Variants in CCDC91 observed in about 807,000 individuals in gnomAD.
CCDC91 encodes coiled-coil domain-containing protein 91.
A neutral mutation model predicts 63.2 loss-of-function variants in CCDC91; 48 were observed. That is an observed-to-expected ratio of 0.76 (90% CI 0.60 to 0.97). CCDC91 has a LOEUF of 0.97. CCDC91 is among the 50% of genes least tolerant of loss of function. CCDC91 has a pLI of 0.00. For synonymous variants in CCDC91, 167 were observed against 165.8 expected, an observed-to-expected ratio of 1.01 and a Z score of -0.06; for missense variants, 500 against 494.6, an observed-to-expected ratio of 1.01 and a Z score of -0.10.
At chr12:28,501,154 A>G (rs866411340) in intron 12 of CCDC91, among the ~76,000 whole-genome samples, 1 of 151,930 alleles carries the variant, frequency 6.6e-6, no homozygotes, top group African/African-American at 2.4e-5. Flanking sequence ...ATCAGCAAAC[A>G]GGGACAATTT....
At chr12:28,201,485 G>A (rs28605753) in intron 1 of CCDC91, among the ~76,000 whole-genome samples, 1 of 136,326 alleles carries the variant, frequency 7.3e-6, no homozygotes. Flanking sequence ...CTGGGAAGAG[G>A]CGCTCGTCAC....
chr12:28,329,346 T>C (rs918644888), intron 6 of CCDC91, among the ~76,000 whole-genome samples: 6 of 152,164 alleles, frequency 3.9e-5, no homozygotes, highest in Non-Finnish European at 7.4e-5. Context: ...TCCCACCAAA[T>C]TCTTCCTTTT....
At chr12:28,542,372 T>C (rs1942689032) in intron 12 of CCDC91, among the ~76,000 whole-genome samples, 2 of 152,100 alleles carry the variant, frequency 1.3e-5, no homozygotes, top group Non-Finnish European at 2.9e-5. Flanking sequence ...CATCTGTAAT[T>C]CATCTTGTGC....
chr12:28,450,219 A>T lies in CCDC91; in HGVS notation c.821A>T (p.Lys274Met). Reference sequence around the variant, plus strand: ...AAGGAACTGTTAAAAGAAAAAATAAAGGAAGCTTTGATTCAGCAATCTCAA... The same window carrying T: ...AAGGAACTGTTAAAAGAAAAAATAATGGAAGCTTTGATTCAGCAATCTCAA... ...TEKELLKEKI[K>M]EALIQQSQEQ... Residue 274 changes from lysine (K) to methionine (M), a missense_variant, in exon 9 of 13, where the codon AAG becomes ATG. By Grantham distance (95) the Lys-to-Met change is moderately conservative. Coordinates refer to ENST00000536442, the MANE Select transcript of CCDC91 (RefSeq NM_018318.5). 1 of 1,610,542 alleles carries T rather than the reference A, an allele frequency of 6.2e-7. No homozygotes were observed. The highest frequency in any genetic ancestry group is 8.5e-7 in the Non-Finnish European group (1 of 1,177,766).
At chr12:28,319,990 G>T (rs1419055479) in intron 6 of CCDC91, among the ~76,000 whole-genome samples, 1 of 151,810 alleles carries the variant, frequency 6.6e-6, no homozygotes, top group Non-Finnish European at 1.5e-5. Flanking sequence ...ATTCCAGGCT[G>T]TATGCTAAAT....
intron 6 of CCDC91, among the ~76,000 whole-genome samples, chr12:28,338,871 C>T (rs953780446): frequency 6.6e-5 from 10 of 151,966 alleles, no homozygotes; most frequent in East Asian, 3.9e-4. Flanking sequence ...GACGGACTCT[C>T]GCTCTGTCGC....
chr12:28,543,934 G>C (rs972768585), intron 12 of CCDC91, among the ~76,000 whole-genome samples: 2 of 151,826 alleles, frequency 1.3e-5, no homozygotes, highest in Admixed American at 1.3e-4. Flanking sequence ...TCCTAAACCT[G>C]AACTGTTCTT....
chr12:28,353,320 G>A (rs1459867584), intron 6 of CCDC91, among the ~76,000 whole-genome samples: 12 of 152,146 alleles, frequency 7.9e-5, no homozygotes, highest in Admixed American at 4.6e-4. Flanking sequence ...CAGCAATAAG[G>A]CTGTATCACT....
chr12:28,333,431 AT>A (rs908868262), intron 6 of CCDC91, among the ~76,000 whole-genome samples: 9 of 151,610 alleles, frequency 5.9e-5, no homozygotes, highest in African/African-American at 1.5e-4. Context: ...TAAACAATAA[AT>A]TTTTTTTCCC....
rs2137107698 is a variant in CCDC91 at position 28,307,353 on chromosome 12, C to T, written c.472-292C>T. On this transcript the variant is annotated intron_variant, in intron 5 of 12. Coordinates refer to ENST00000536442, the MANE Select transcript of CCDC91 (RefSeq NM_018318.5). ...GTAAATTCTTTACTTATGCTTTCTT[C>T]CCTGTGAATATATAGCAAATTTATA... Among the ~76,000 whole-genome samples the T allele has an allele frequency of 1.3e-5, 2 of 151,892 alleles. 1 individual carries two copies. The highest frequency in any genetic ancestry group is 4.1e-4 in the South Asian group (2 of 4,820).
chr12:28,524,441 G>T (rs976651568), intron 12 of CCDC91, among the ~76,000 whole-genome samples: 1 of 152,016 alleles, frequency 6.6e-6, no homozygotes, highest in African/African-American at 2.4e-5. Flanking sequence ...CTGCATCCCT[G>T]GTATTAAACC....
chr12:28,518,254 G>A (rs545110634), intron 12 of CCDC91, among the ~76,000 whole-genome samples: 1 of 151,982 alleles, frequency 6.6e-6, no homozygotes, highest in African/African-American at 2.4e-5. Flanking sequence ...CTCACTAGCA[G>A]TGTAGAAGTG....
At chr12:28,442,436 A>G (rs1056740122) in intron 8 of CCDC91, among the ~76,000 whole-genome samples, 2 of 152,104 alleles carry the variant, frequency 1.3e-5, no homozygotes, top group Non-Finnish European at 2.9e-5. Flanking sequence ...GTCATTATAC[A>G]TAACTCTGAA....
intron 8 of CCDC91, among the ~76,000 whole-genome samples, chr12:28,404,538 A>G (rs1308344904): frequency 6.6e-6 from 1 of 152,094 alleles, no homozygotes; most frequent in Non-Finnish European, 1.5e-5. Context: ...GAGTTCAGCT[A>G]CATCCTTTCT....
chr12:28,457,531 T>C (rs1950109411), intron 11 of CCDC91, among the ~76,000 whole-genome samples: 1 of 150,198 alleles, frequency 6.7e-6, no homozygotes, highest in African/African-American at 2.5e-5. Flanking sequence ...TCCTGAGAAA[T>C]GAAAAGGGAA....
In CCDC91 at chr12:28,452,671, G is replaced by T; in HGVS notation, c.1101+17G>T. Reference sequence around the variant, plus strand: ...ATAAGTCAGGTTAGTAATATTAACTGTTAGTAAATATTTACTTTTTTCTCA... The same window carrying T: ...ATAAGTCAGGTTAGTAATATTAACTTTTAGTAAATATTTACTTTTTTCTCA... On this transcript the variant is annotated intron_variant, in intron 11 of 12. Coordinates refer to ENST00000536442, the MANE Select transcript of CCDC91 (RefSeq NM_018318.5). The T allele has an allele frequency of 7.7e-7, 1 of 1,299,634 alleles. No individual in the cohort carries two copies. Among genetic ancestry groups the T allele is most frequent in the Non-Finnish European group, 1.1e-6 (1 of 951,902 alleles). The allele number at this position is 1,299,634 out of a possible 1,614,324, so 80.5% of individuals were successfully genotyped here.
intron 8 of CCDC91, chr12:28,413,067 G>A (rs1354984958): frequency 1.1e-5 from 2 of 183,288 alleles, no homozygotes; most frequent in African/African-American, 4.8e-5. Flanking sequence ...TGCCTCTAGA[G>A]ACTCAAAAAA....
intron 8 of CCDC91, among the ~76,000 whole-genome samples, chr12:28,422,002 T>A (rs1394787384): frequency 6.6e-6 from 1 of 152,166 alleles, no homozygotes; most frequent in Non-Finnish European, 1.5e-5. Context: ...ACATACTTTG[T>A]GCTACTTGTC....
intron 6 of CCDC91, among the ~76,000 whole-genome samples, chr12:28,345,211 G>GTA (rs1942720336): frequency 6.6e-6 from 1 of 151,620 alleles, no homozygotes; most frequent in Non-Finnish European, 1.5e-5. Flanking sequence ...TATATTTTAG[G>GTA]TATATATATA....
Sources: gnomAD v4.1 joint callset for allele counts (sites outside exome capture counted in the v4.1 genomes callset) on GRCh38, gnomAD v4.1.1 for gene constraint, MANE v1.5 for transcripts, NCBI Gene and HGNC (gene_info 2026-07-23, HGNC 2026-07-21) for gene names.